CABLES2: variants seen among roughly 807,000 people sequenced by gnomAD.
The protein encoded by CABLES2 is Cdk5 and Abl enzyme substrate 2, also known as CDK5 and ABL1 enzyme substrate 2.
CABLES2 carries 35 observed loss-of-function variants against 44.8 expected under a neutral mutation model. The observed-to-expected ratio is 0.78, with a 90% CI of 0.60 to 1.04. CABLES2 has a LOEUF of 1.04. CABLES2 is among the 50% of genes least tolerant of loss of function. The pLI, the probability that CABLES2 is intolerant of heterozygous loss-of-function variation, is 0.00. For synonymous variants in CABLES2, 282 were observed against 281.1 expected (o/e 1.00, Z -0.03); for missense variants, 566 against 615.7 (o/e 0.92, Z 0.85).
At chr20:62,398,855 G>T (rs891386944) in intron 1 of CABLES2, among the ~76,000 whole-genome samples, 1 of 152,266 alleles carries the variant, frequency 6.6e-6, no homozygotes, top group Non-Finnish European at 1.5e-5. Flanking sequence ...TTATCAAGTG[G>T]TACGGAGAGG....
At chr20:62,402,814 TC>T (rs1988214441) in intron 1 of CABLES2, 1 of 152,288 alleles carries the variant, frequency 6.6e-6, no homozygotes, top group Non-Finnish European at 1.5e-5. Context: ...TCCATTGCCC[TC>T]TGGGCTGCCA....
chr20:62,403,257 G>C (rs1988221759), intron 1 of CABLES2: 2 of 152,266 alleles, frequency 1.3e-5, no homozygotes, highest in African/African-American at 4.8e-5. Context: ...CCTAACCCCA[G>C]TACCTGTGAA....
At chr20:62,398,089 C>CAGTGATGGTGATGGTGGTGATGGCGAT (rs1988086198) in intron 1 of CABLES2, among the ~76,000 whole-genome samples, 2 of 54,854 alleles carry the variant, frequency 3.6e-5, no homozygotes, top group Non-Finnish European at 7.0e-5. Flanking sequence ...GTGGTGGTGA[C>CAGTGATGGTGATGGTGGTGATGGCGAT]GGTGGTGGTG....
chr20:62,396,810 CT>C lies in CABLES2; in HGVS notation c.363-219del, dbSNP rs372602755. On this transcript the variant is annotated intron_variant, in intron 1 of 9. Transcript: ENST00000279101. The surrounding 1 kb of genome is among the most constrained non-coding windows in gnomAD (Gnocchi z 5.7). ...CCTGTTTTGGAGGCACTGAGCTCTT[CT>C]CTGGGGACCAGCAGCCCTGGGGGAC... Among the ~76,000 whole-genome samples the C allele has an allele frequency of 9.8e-4, 149 of 152,248 alleles. No homozygotes were observed. Among genetic ancestry groups the C allele is most frequent in the African/African-American group, 3.5e-3 (144 of 41,556 alleles).
intron 1 of CABLES2, among the ~76,000 whole-genome samples, chr20:62,406,359 C>T (rs536271867): frequency 1.7e-4 from 26 of 151,924 alleles, no homozygotes; most frequent in African/African-American, 5.8e-4. Flanking sequence ...CCCTGTGTCC[C>T]GGGCACTGGT....
chr20:62,398,304 T>G (rs1778426196), intron 1 of CABLES2, among the ~76,000 whole-genome samples: 1 of 143,798 alleles, frequency 7.0e-6, no homozygotes, highest in African/African-American at 2.7e-5. Flanking sequence ...GCGATGGTGA[T>G]GACGGTGGTG....
At chr20:62,397,838 T>C (rs1411102810) in intron 1 of CABLES2, among the ~76,000 whole-genome samples, 1 of 149,208 alleles carries the variant, frequency 6.7e-6, no homozygotes, top group African/African-American at 2.4e-5. Flanking sequence ...CTGAGGATCC[T>C]GCCTGCCCTG....
At position 62,396,704 on chromosome 20, in the gene CABLES2, G is replaced by T; in HGVS notation, c.363-112C>A. The T allele has an allele frequency of 1.7e-6, 2 of 1,156,632 alleles. No homozygotes were observed. Among genetic ancestry groups the T allele is most frequent in the South Asian group, 1.3e-5 (1 of 74,554 alleles). 71.6% of individuals were successfully genotyped at this position (1,156,632 alleles called of 1,614,324 possible). On this transcript the variant is annotated intron_variant, in intron 1 of 9. Coordinates refer to ENST00000279101, the MANE Select transcript of CABLES2 (RefSeq NM_031215.3). The surrounding 1 kb of genome is among the most constrained non-coding windows in gnomAD (Gnocchi z 5.7). ...GGGAAGGGCCACTCTCCAGCCCAGC[G>T]GCGCACCCATGGGCCGAGGGGCTTC...
rs1476254841 is a variant in CABLES2 at position 62,398,185 on chromosome 20, T to C, written c.363-1593A>G. On this transcript the variant is annotated intron_variant, in intron 1 of 9. Coordinates refer to ENST00000279101, the MANE Select transcript of CABLES2 (RefSeq NM_031215.3). ...GTGATGGTGGTAATGGTGGTGGTGG[T>C]GATGGTGATGATGGTGGTGATGGTG... Among the ~76,000 whole-genome samples, 5 of 75,640 alleles carry C rather than the reference T, an allele frequency of 6.6e-5. 1 individual carries two copies. Among genetic ancestry groups the C allele is most frequent in the Admixed American group, 1.2e-4 (1 of 8,120 alleles). The allele number at this position is 75,640 out of a possible 152,430, so 49.6% of individuals were successfully genotyped here. A position where few individuals can be genotyped will look rare whatever the true frequency, so the allele number is the denominator to read the frequency against.
At chr20:62,393,644 C>T (rs372903450) in intron 5 of CABLES2, 39 bp from the exon 6 acceptor site, 104 of 1,527,642 alleles carry the variant, frequency 6.8e-5, no homozygotes, top group South Asian at 1.5e-4. Context: ...CTCTGCCTCC[C>T]GGGACCAGAG....
At chr20:62,398,166 GTGGTAA>G (rs767746371) in intron 1 of CABLES2, among the ~76,000 whole-genome samples, 9 of 121,742 alleles carry the variant, frequency 7.4e-5, no homozygotes, top group East Asian at 2.2e-4. Context: ...GACGGTGATG[GTGGTAA>G]TGGTGGTGGT....
rs1177971815 is a variant in CABLES2 at position 62,398,130 on chromosome 20, A to G, written c.363-1538T>C. Among the ~76,000 whole-genome samples the G allele has an allele frequency of 9.9e-3, 199 of 20,164 alleles. 3 individuals carry two copies. Among genetic ancestry groups the G allele is most frequent in the East Asian group, 0.014 (9 of 628 alleles). The allele number at this position is 20,164 out of a possible 152,430, so 13.2% of individuals were successfully genotyped here. On this transcript the variant is annotated intron_variant, in intron 1 of 9. Transcript: ENST00000279101. ...GATGGTGGTGGTGGTGGTGGTTATGACGGTGGTGATGGTGGTGGTGGTGGT... is the reference window on the plus strand; with the variant it reads ...GATGGTGGTGGTGGTGGTGGTTATGGCGGTGGTGATGGTGGTGGTGGTGGT...
In CABLES2 at chr20:62,396,327, G is replaced by A. The variant is rs777404967; in HGVS notation, c.515C>T (p.Thr172Ile). Residue 172 changes from threonine (T) to isoleucine (I), a missense_variant, in exon 3 of 10, where the codon ACC (threonine) becomes ATC (isoleucine). Around this residue, in one of 2 missense-constraint regions of CABLES2, gnomAD observed 436 missense variants for 536.3 expected, o/e 0.81. Coordinates refer to ENST00000279101, the MANE Select transcript of CABLES2 (RefSeq NM_031215.3). This position sits in a 1 kb window ranked among gnomAD's most constrained non-coding sequence, Gnocchi z 5.7. Reference protein sequence around the residue: ...HFIKNMRQYDTRNSRIVLICA... With the variant: ...HFIKNMRQYDIRNSRIVLICA... ...CTCCGCTTCATACCTGCTGTTCCTG[G>A]TGTCGTACTGCCTCATGTTCTTGAT... The A allele has an allele frequency of 1.5e-5, 25 of 1,613,642 alleles. No individual in the cohort carries two copies. Among genetic ancestry groups the A allele is most frequent in the Non-Finnish European group, 1.9e-5 (23 of 1,179,790 alleles).
intron 1 of CABLES2, among the ~76,000 whole-genome samples, chr20:62,398,297 ATGGTGATGACGGTGGTGATGGCAG>A (rs1569018038): frequency 1.0e-5 from 1 of 99,554 alleles, no homozygotes; most frequent in East Asian, 3.1e-4. Context: ...GATGGTGGCG[ATGGTGATGACGGTGGTGATGGCAG>A]TGGTGGTGAC....
intron 1 of CABLES2, chr20:62,403,680 C>T (rs1988230271): frequency 6.6e-6 from 1 of 152,290 alleles, no homozygotes; most frequent in Admixed American, 6.5e-5. Context: ...CTGCTCAAAC[C>T]CAGCTGGGGA....
At chr20:62,393,307 CT>C in intron 6 of CABLES2, 132 bp downstream of exon 6, 2 of 1,051,148 alleles carry the variant, frequency 1.9e-6, no homozygotes, top group Non-Finnish European at 2.8e-6. Context: ...TCTCCTGACC[CT>C]GTTCCCCAGG....
intron 1 of CABLES2, among the ~76,000 whole-genome samples, chr20:62,397,916 A>ATGGCGGTGGTGGTGATGGCGGTG (rs1407114274): frequency 1.4e-5 from 1 of 72,114 alleles, no homozygotes; most frequent in Admixed American, 1.4e-4. Flanking sequence ...TGGTGATGGC[A>ATGGCGGTGGTGGTGATGGCGGTG]GTGGTGATGG....
intron 8 of CABLES2, 25 bp downstream of exon 8, chr20:62,392,362 TGA>T (rs1987934963): frequency 6.8e-7 from 1 of 1,477,698 alleles, no homozygotes; most frequent in South Asian, 1.1e-5. Context: ...CCCAGGACGA[TGA>T]GATGGTCTGA....
In CABLES2 at chr20:62,392,417, C is replaced by G. The variant is rs1987936050; in HGVS notation, c.1063G>C (p.Val355Leu). Residue 355 changes from valine to leucine, a missense_variant, in exon 8 of 10, where the codon GTC (valine) becomes CTC (leucine). By Grantham distance (32) the Val-to-Leu change is conservative. Around this residue, in one of 2 missense-constraint regions of CABLES2, gnomAD observed 436 missense variants for 536.3 expected, o/e 0.81. Transcript: ENST00000279101. ...CTGATTTTGCTCAGCGTCAGTTTGA[C>G]ATGGGGGAACTTCTCCCTGAAGGTC... Reference protein sequence around the residue: ...NETFREKFPHVKLTLSKIRSL... With the variant: ...NETFREKFPHLKLTLSKIRSL... 6.2e-7 allele frequency: 1 copy of G among 1,614,030 alleles called. No individual in the cohort carries two copies. The highest frequency in any genetic ancestry group is 8.5e-7 in the Non-Finnish European group (1 of 1,179,974).
Sources: gnomAD v4.1 joint callset for allele counts (sites outside exome capture counted in the v4.1 genomes callset) on GRCh38, gnomAD v4.1.1 for gene constraint, gnomAD v4.1.1 regional missense constraint, Gnocchi (gnomAD v3.1) non-coding constraint, MANE v1.5 for transcripts, NCBI Gene and HGNC (gene_info 2026-07-23, HGNC 2026-07-21) for gene names.